TMEM232: variants seen among roughly 807,000 people sequenced by gnomAD.
TMEM232 encodes the protein transmembrane protein 232.
TMEM232 carries 80 observed loss-of-function variants against 78.8 expected under a neutral mutation model. That is an observed-to-expected ratio of 1.01 (90% confidence interval 0.85 to 1.22). TMEM232 has a LOEUF of 1.22. Among genes scored for constraint, TMEM232 ranks in the 50% most tolerant of loss-of-function variants. TMEM232 has a pLI of 0.00. For missense variants in TMEM232, 881 were observed against 742.2 expected, an observed-to-expected ratio of 1.19 and a Z score of -2.17; for synonymous variants, 297 against 254.3, an observed-to-expected ratio of 1.17 and a Z score of -1.60.
intron 1 of TMEM232, among the ~76,000 whole-genome samples, chr5:110,713,467 G>C (rs1796703927): frequency 6.6e-6 from 1 of 151,928 alleles, no homozygotes; most frequent in South Asian, 2.1e-4. Flanking sequence ...TTAGCATATT[G>C]TGATTATTAT....
rs140703115 is a variant in TMEM232 at position 110,392,602 on chromosome 5, G to A, written n.391-1962C>T. Among the ~76,000 whole-genome samples the A allele has an allele frequency of 4.8e-4, 73 of 152,224 alleles. 1 individual carries two copies. In the South Asian group the frequency reaches 6.4e-3, roughly 13 times the overall value. On this transcript the variant is annotated intron_variant and non_coding_transcript_variant, in intron 3 of 8. Coordinates refer to the TMEM232 transcript ENST00000507188. ...CAGATAGCTGCATTTTCACTGTGTC[G>A]TCACATGATGGAGAGAGAATGACCT...
intron 2 of TMEM232, chr5:110,666,675 CT>C (rs1224495121): frequency 6.6e-6 from 1 of 152,014 alleles, no homozygotes; most frequent in African/African-American, 2.4e-5. Flanking sequence ...ATTTTCTTCT[CT>C]GTAGGATTCT....
chr5:110,640,015 G>A (rs1786443096), intron 4 of TMEM232, among the ~76,000 whole-genome samples: 1 of 152,192 alleles, frequency 6.6e-6, no homozygotes, highest in Non-Finnish European at 1.5e-5. Context: ...GACCATCCAT[G>A]ATTCACCCCC....
rs1197238896 is a variant in TMEM232 at position 110,606,290 on chromosome 5, GA to G, written c.903-4del. 4 of 1,513,810 alleles carry G rather than the reference GA, an allele frequency of 2.6e-6. No individual in the cohort carries two copies. Among genetic ancestry groups the G allele is most frequent in the Non-Finnish European group, 3.5e-6 (4 of 1,126,772 alleles). 93.8% of individuals were successfully genotyped at this position (1,513,810 alleles called of 1,614,324 possible). A position where few individuals can be genotyped will look rare whatever the true frequency, so the allele number is the denominator to read the frequency against. On this transcript the variant is annotated splice_region_variant and splice_polypyrimidine_tract_variant and intron_variant, in intron 8 of 13. Coordinates refer to ENST00000455884, the MANE Select transcript of TMEM232 (RefSeq NM_001039763.4). ...GTAAAGCCAGTACTGAATCCAACCT[GA>G]AAATTTTATGGACGAAAGGATAAAG...
chr5:110,609,449 G>A (rs1260313740), intron 8 of TMEM232, among the ~76,000 whole-genome samples: 1 of 151,920 alleles, frequency 6.6e-6, no homozygotes, highest in African/African-American at 2.4e-5. Flanking sequence ...CAGAGAAAGT[G>A]CAGCCAATCC....
chr5:110,429,221 G>T lies in TMEM232; in HGVS notation c.1704-4305C>A, dbSNP rs1047454053. Among the ~76,000 whole-genome samples, 4 of 151,866 alleles carry T rather than the reference G, an allele frequency of 2.6e-5. No homozygotes were observed. In the South Asian group the frequency reaches 8.3e-4, roughly 31 times the overall value. On this transcript the variant is annotated intron_variant, in intron 12 of 13. Coordinates refer to ENST00000455884, the MANE Select transcript of TMEM232 (RefSeq NM_001039763.4). ...TTTCGAGTAGAAAGGTGGGGAGCTG[G>T]CATCATTTAACTTAGTCTGAGAGTG... is the stretch of plus-strand genomic sequence containing the variant.
chr5:110,719,227 GTATA>G (rs1484722582), intron 1 of TMEM232, among the ~76,000 whole-genome samples: 3 of 151,544 alleles, frequency 2.0e-5, no homozygotes, highest in Non-Finnish European at 4.4e-5. Context: ...GTATATATGT[GTATA>G]TATACACACA....
chr5:110,646,842 A>G (rs1470548873), intron 2 of TMEM232, among the ~76,000 whole-genome samples: 1 of 151,912 alleles, frequency 6.6e-6, no homozygotes, highest in Non-Finnish European at 1.5e-5. Flanking sequence ...TCAATAGCCA[A>G]AAAGAAATGA....
At chr5:110,659,968 G>A (rs1464565136) in intron 2 of TMEM232, among the ~76,000 whole-genome samples, 4 of 151,530 alleles carry the variant, frequency 2.6e-5, no homozygotes, top group Admixed American at 1.3e-4. Context: ...AGTCTCAGAA[G>A]GAGAGAAAAG....
intron 12 of TMEM232, among the ~76,000 whole-genome samples, chr5:110,521,012 A>T (rs1046345387): frequency 6.6e-6 from 1 of 152,050 alleles, no homozygotes; most frequent in Non-Finnish European, 1.5e-5. Context: ...TACACACTAA[A>T]CAGTATTGGC....
intron 1 of TMEM232, among the ~76,000 whole-genome samples, chr5:110,703,611 T>C (rs1795645238): frequency 6.6e-6 from 1 of 152,084 alleles, no homozygotes; most frequent in Non-Finnish European, 1.5e-5. Context: ...GTGCATGTTT[T>C]CTCATTATGT....
chr5:110,614,580 T>A lies in TMEM232; in HGVS notation c.902+3849A>T, dbSNP rs1374129757. Among the ~76,000 whole-genome samples, 5 of 152,118 alleles carry A rather than the reference T, an allele frequency of 3.3e-5. No individual in the cohort carries two copies. The East Asian group carries it at 9.6e-4, about 29-fold the overall frequency. On this transcript the variant is annotated intron_variant, in intron 8 of 13. Coordinates refer to ENST00000455884, the MANE Select transcript of TMEM232 (RefSeq NM_001039763.4). The stretch of plus-strand genomic sequence containing the variant: ...TAAAGAAAGAATTGAATTCCACCAT[T>A]CGATATTCTTAATCAGCTACATTTA...
chr5:110,438,033 G>A lies in TMEM232; in HGVS notation c.1704-13117C>T, dbSNP rs1758623072. On this transcript the variant is annotated intron_variant, in intron 12 of 13. Transcript: ENST00000455884. ...TAGCCAGGCAGCAGTACTATCTGAAGCTACTGTGTGGCCCCATCCCCAGGC... is the reference window on the plus strand; with the variant it reads ...TAGCCAGGCAGCAGTACTATCTGAAACTACTGTGTGGCCCCATCCCCAGGC... 2.0e-5 allele frequency among the ~76,000 whole-genome samples: 3 copies of A among 152,192 alleles called. No individual in the cohort carries two copies. The South Asian group carries it at 6.2e-4, about 32-fold the overall frequency.
intron 2 of TMEM232, among the ~76,000 whole-genome samples, chr5:110,734,206 T>C (rs1289520676): frequency 6.6e-6 from 1 of 152,258 alleles, no homozygotes; most frequent in Non-Finnish European, 1.5e-5. Context: ...GGCTAGATTT[T>C]GGTGATGTTG....
chr5:110,410,990 G>A (rs1176591016), intron 2 of TMEM232, among the ~76,000 whole-genome samples: 1 of 152,140 alleles, frequency 6.6e-6, no homozygotes, highest in Non-Finnish European at 1.5e-5. Context: ...CTCAGCCTGT[G>A]AGACCTTCTT....
chr5:110,581,227 G>C (rs1479703126), intron 10 of TMEM232, among the ~76,000 whole-genome samples: 1 of 151,812 alleles, frequency 6.6e-6, no homozygotes, highest in Non-Finnish European at 1.5e-5. Flanking sequence ...TAAGCAAAGA[G>C]AACAAAGCCA....
chr5:110,724,369 G>C (rs1276984457), intron 1 of TMEM232, among the ~76,000 whole-genome samples: 1 of 152,088 alleles, frequency 6.6e-6, no homozygotes, highest in African/African-American at 2.4e-5. Flanking sequence ...TTTTCCAACT[G>C]AATTCTGGGC....
intron 11 of TMEM232, among the ~76,000 whole-genome samples, chr5:110,550,938 C>A (rs1774386323): frequency 7.0e-6 from 1 of 142,920 alleles, no homozygotes; most frequent in African/African-American, 2.9e-5. Flanking sequence ...CACCCACAGG[C>A]CAAATCCAGC....
At chr5:110,713,524 TAC>T (rs1561556173) in intron 1 of TMEM232, among the ~76,000 whole-genome samples, 1 of 152,014 alleles carries the variant, frequency 6.6e-6, no homozygotes, top group East Asian at 1.9e-4. Context: ...CATAAATATA[TAC>T]ACCTACTATG....
Sources: gnomAD v4.1 joint callset for allele counts (sites outside exome capture counted in the v4.1 genomes callset) on GRCh38, gnomAD v4.1.1 for gene constraint, MANE v1.5 for transcripts, NCBI Gene and HGNC (gene_info 2026-07-23, HGNC 2026-07-21) for gene names.